The following PLCB1 variants were observed in gnomAD, a reference collection of about 807,000 sequenced individuals.
The protein encoded by PLCB1 is phospholipase C beta 1.
In PLCB1, 46 loss-of-function variants were observed where a neutral mutation model predicts 161.8. The ratio of observed to expected loss-of-function variants is 0.28; its 90% CI spans 0.22 to 0.36. PLCB1 has a LOEUF of 0.36. PLCB1 is among the 10% of genes least tolerant of loss of function. The pLI, the probability that PLCB1 is intolerant of heterozygous loss-of-function variation, is 1.00. For missense variants in PLCB1, 1,016 were observed against 1,472.5 expected (o/e 0.69, Z 5.07); for synonymous variants, 517 against 503.7 (o/e 1.03, Z -0.35).
In PLCB1 at chr20:8,132,865, G is replaced by C; in HGVS notation, c.99+115G>C. 2.8e-6 allele frequency: 2 copies of C among 704,364 alleles called. No individual in the cohort carries two copies. Among genetic ancestry groups the C allele is most frequent in the Non-Finnish European group, 5.0e-6 (2 of 403,260 alleles). The allele number at this position is 704,364 out of a possible 1,614,324, so 43.6% of individuals were successfully genotyped here. A position where few individuals can be genotyped will look rare whatever the true frequency, so the allele number is the denominator to read the frequency against. ...AATGGGCGCACTGGGAGCGGGCAGG[G>C]GCAGCCTCGGGCGCACAGGTTGGCA... On this transcript the variant is annotated intron_variant, in intron 1 of 31. Transcript: ENST00000338037. The surrounding 1 kb of genome is among the most constrained non-coding windows in gnomAD (Gnocchi z 5.2).
chr20:8,368,718 T>C (rs1323290482), intron 2 of PLCB1, among the ~76,000 whole-genome samples: 1 of 152,114 alleles, frequency 6.6e-6, no homozygotes, highest in African/African-American at 2.4e-5. Context: ...AGAACACCCA[T>C]GTAATGACCA....
intron 31 of PLCB1, among the ~76,000 whole-genome samples, chr20:8,854,774 G>A (rs895405173): frequency 4.6e-5 from 7 of 152,182 alleles, no homozygotes; most frequent in Admixed American, 4.6e-4. Flanking sequence ...CGACAAACTC[G>A]GCAAGGAGCC....
chr20:8,251,747 G>A (rs1424679593), intron 2 of PLCB1, among the ~76,000 whole-genome samples: 1 of 152,040 alleles, frequency 6.6e-6, no homozygotes, highest in African/African-American at 2.4e-5. Flanking sequence ...ACATAGTTGC[G>A]AGTGAGACAC....
intron 23 of PLCB1, chr20:8,750,808 G>A (rs763542013): frequency 7.4e-6 from 10 of 1,357,806 alleles, no homozygotes; most frequent in African/African-American, 3.0e-5. Context: ...GAGTAGGGTG[G>A]ATTTCTGCAT....
chr20:8,516,670 T>C (rs1162523053), intron 3 of PLCB1, among the ~76,000 whole-genome samples: 2 of 17,896 alleles, frequency 1.1e-4, no homozygotes, highest in East Asian at 7.1e-4. Flanking sequence ...ACATCATATA[T>C]ATATATATAT....
intron 2 of PLCB1, among the ~76,000 whole-genome samples, chr20:8,161,143 A>G (rs1326060140): frequency 6.6e-6 from 1 of 152,014 alleles, no homozygotes; most frequent in Non-Finnish European, 1.5e-5. Context: ...CTGTATATTT[A>G]TAGCATATAC....
chr20:8,368,424 G>A (rs998346955), intron 2 of PLCB1, among the ~76,000 whole-genome samples: 3 of 151,002 alleles, frequency 2.0e-5, no homozygotes, highest in Non-Finnish European at 4.4e-5. Context: ...GCTACTCGAG[G>A]GCTGAGGCAC....
chr20:8,398,320 T>C (rs1422675098), intron 3 of PLCB1, among the ~76,000 whole-genome samples: 1 of 152,200 alleles, frequency 6.6e-6, no homozygotes, highest in Admixed American at 6.5e-5. Flanking sequence ...AATATATGTC[T>C]TAATATACAT....
intron 2 of PLCB1, among the ~76,000 whole-genome samples, chr20:8,315,879 C>T (rs1326563437): frequency 2.0e-5 from 3 of 152,178 alleles, no homozygotes; most frequent in African/African-American, 4.8e-5. Flanking sequence ...ACTGTGTTAA[C>T]CGTTGACCAC....
intron 3 of PLCB1, among the ~76,000 whole-genome samples, chr20:8,502,300 T>A (rs576601778): frequency 6.6e-6 from 1 of 152,276 alleles, no homozygotes; most frequent in Admixed American, 6.5e-5. Flanking sequence ...AATCTTCTCT[T>A]ATTCTTGTCA....
chr20:8,414,654 T>C (rs942386212), intron 3 of PLCB1, among the ~76,000 whole-genome samples: 1 of 152,232 alleles, frequency 6.6e-6, no homozygotes, highest in African/African-American at 2.4e-5. Context: ...TAATATTCTA[T>C]CCAAAGCTTT....
At chr20:8,237,407 C>T (rs898959788) in intron 2 of PLCB1, among the ~76,000 whole-genome samples, 1 of 151,760 alleles carries the variant, frequency 6.6e-6, no homozygotes, top group African/African-American at 2.4e-5. Flanking sequence ...AAAAAATGCC[C>T]AGAAGTCATA....
At chr20:8,313,957 C>A (rs1984523859) in intron 2 of PLCB1, among the ~76,000 whole-genome samples, 1 of 152,160 alleles carries the variant, frequency 6.6e-6, no homozygotes, top group Non-Finnish European at 1.5e-5. Context: ...AGTCTAAGCT[C>A]CTTCAAGTAA....
intron 2 of PLCB1, among the ~76,000 whole-genome samples, chr20:8,155,419 C>T (rs948533357): frequency 1.3e-5 from 2 of 152,114 alleles, no homozygotes; most frequent in Admixed American, 6.5e-5. Context: ...TTAATGGCAA[C>T]CATAGATAGT....
Position 8,697,574 on chromosome 20 carries a change from G to C in PLCB1, c.1010-52G>C. On this transcript the variant is annotated intron_variant, in intron 10 of 31. Transcript: ENST00000338037. ...AGGAGCCTTTCTAAGAAAGCACCAC[G>C]GTCATCCTTGCTTCATGGGAATCTG... 1.9e-6 allele frequency: 3 copies of C among 1,590,456 alleles called. No individual in the cohort carries two copies. In the East Asian group the frequency reaches 6.7e-5, roughly 36 times the overall value.
chr20:8,656,023 T>G (rs926367959), intron 7 of PLCB1, among the ~76,000 whole-genome samples: 4 of 151,984 alleles, frequency 2.6e-5, no homozygotes, highest in African/African-American at 9.7e-5. Context: ...GGCAAAATAC[T>G]AATAAAACAA....
chr20:8,685,201 C>T (rs1990330374), intron 10 of PLCB1, 123 bp downstream of exon 10: 1 of 901,916 alleles, frequency 1.1e-6, no homozygotes, highest in East Asian at 2.4e-5. Context: ...CCTCTGAGAA[C>T]TCTGGGGTTC....
At chr20:8,138,372 C>G (rs931014157) in intron 1 of PLCB1, among the ~76,000 whole-genome samples, 2 of 152,140 alleles carry the variant, frequency 1.3e-5, no homozygotes, top group Non-Finnish European at 2.9e-5. Context: ...TTATCATGAA[C>G]AAGAATCGCC....
intron 2 of PLCB1, among the ~76,000 whole-genome samples, chr20:8,171,642 A>G (rs2051734080): frequency 6.6e-6 from 1 of 152,166 alleles, no homozygotes; most frequent in South Asian, 2.1e-4. Flanking sequence ...GATTACATGA[A>G]TTAATATAAT....
Sources: gnomAD v4.1 joint callset for allele counts (sites outside exome capture counted in the v4.1 genomes callset) on GRCh38, gnomAD v4.1.1 for gene constraint, Gnocchi (gnomAD v3.1) non-coding constraint, MANE v1.5 for transcripts, NCBI Gene and HGNC (gene_info 2026-07-23, HGNC 2026-07-21) for gene names.